CFHR5: variants seen among roughly 807,000 people sequenced by gnomAD.
The protein encoded by CFHR5 is complement factor H-related protein 5.
CFHR5 carries 73 observed loss-of-function variants against 62.9 expected under a neutral mutation model. The ratio of observed to expected loss-of-function variants is 1.16; its 90% CI spans 0.96 to 1.41. CFHR5 has a LOEUF of 1.41. CFHR5 is among the 40% of genes most tolerant of loss of function. The pLI, the probability that CFHR5 is intolerant of heterozygous loss-of-function variation, is 0.00. For missense variants in CFHR5, 779 were observed against 679.9 expected (o/e 1.15, Z -1.62); for synonymous variants, 249 against 227.2 (o/e 1.10, Z -0.86).
At chr1:196,995,600 C>T in intron 4 of CFHR5, 117 bp from the exon 5 acceptor site, 1 of 833,090 alleles carries the variant, frequency 1.2e-6, no homozygotes, top group East Asian at 2.5e-5. Context: ...ACACATGTCC[C>T]CAAAAATAGA....
intron 7 of CFHR5, among the ~76,000 whole-genome samples, chr1:197,000,533 G>T (rs1416216152): frequency 1.3e-5 from 2 of 152,152 alleles, no homozygotes; most frequent in African/African-American, 2.4e-5. Flanking sequence ...AATAGTATAT[G>T]TGTGATATTT....
Position 196,994,189 on chromosome 1 carries a change from A to G in CFHR5, c.540A>G (p.Ile180Met), listed in dbSNP as rs1244394416. The change falls in exon 4 of 10, where the codon ATA (isoleucine) becomes ATG (methionine). Residue 180 changes from isoleucine (I) to methionine (M), a missense_variant. Ile to Met is a conservative substitution (Grantham distance 10). Coordinates refer to ENST00000256785, the MANE Select transcript of CFHR5 (RefSeq NM_030787.4). ...AATTCTCCTGCAGAAAAAATCTTAT[A>G]AGAGTTGGATCAGACTCAGTTCAAT... is the stretch of plus-strand genomic sequence containing the variant. ...VLKFSCRKNL[I>M]RVGSDSVQCY... 1 of 1,613,612 alleles carries G rather than the reference A, an allele frequency of 6.2e-7. No individual in the cohort carries two copies. Among genetic ancestry groups the G allele is most frequent in the African/African-American group, 1.3e-5 (1 of 75,018 alleles).
At chr1:197,007,378 T>A (rs1654316049) in intron 9 of CFHR5, among the ~76,000 whole-genome samples, 1 of 151,968 alleles carries the variant, frequency 6.6e-6, no homozygotes, top group South Asian at 2.1e-4. Flanking sequence ...CAAAATTCAG[T>A]ATAAAAATTA....
chr1:196,984,835 T>G (rs1419173221), intron 3 of CFHR5, among the ~76,000 whole-genome samples: 2 of 152,184 alleles, frequency 1.3e-5, no homozygotes, highest in African/African-American at 4.8e-5. Context: ...TCCAGTAACT[T>G]CTGGCCACCA....
chr1:196,996,022 A>C lies in CFHR5; in HGVS notation c.791A>C (p.Glu264Ala), dbSNP rs1160581347. Residue 264 changes from glutamate (E) to alanine (A), a missense_variant and splice_region_variant, in exon 6 of 10, where the codon GAA (glutamate) becomes GCA (alanine). Glu to Ala is a moderately radical substitution (Grantham distance 107, BLOSUM62 -1). Coordinates refer to ENST00000256785, the MANE Select transcript of CFHR5 (RefSeq NM_030787.4). ...CACTCATTTTATTACATTTTCTTAG[A>C]ACAAGTGAAAACATGTGGATACATA... is the stretch of plus-strand genomic sequence containing the variant. ...GEWTTLPTCVEQVKTCGYIPE... is the reference protein window; with the variant it reads ...GEWTTLPTCVAQVKTCGYIPE... 6.2e-7 allele frequency: 1 copy of C among 1,613,630 alleles called. No individual in the cohort carries two copies. The highest frequency in any genetic ancestry group is 8.5e-7 in the Non-Finnish European group (1 of 1,179,628).
At chr1:197,007,067 C>T (rs1654308216) in intron 9 of CFHR5, among the ~76,000 whole-genome samples, 1 of 151,738 alleles carries the variant, frequency 6.6e-6, no homozygotes, top group South Asian at 2.1e-4. Flanking sequence ...GAACTCTTGA[C>T]CTCATGATCC....
At chr1:197,003,844 G>A (rs1265586283) in intron 8 of CFHR5, among the ~76,000 whole-genome samples, 1 of 152,112 alleles carries the variant, frequency 6.6e-6, no homozygotes, top group Non-Finnish European at 1.5e-5. Context: ...CATGTTTGTA[G>A]GTTGGTGAAT....
intron 4 of CFHR5, among the ~76,000 whole-genome samples, chr1:196,994,548 A>T (rs1653939112): frequency 6.6e-6 from 1 of 152,330 alleles, no homozygotes; most frequent in Non-Finnish European, 1.5e-5. Context: ...TAAAAAATTT[A>T]TACTTTTTAG....
chr1:196,993,448 C>T (rs936227860), intron 3 of CFHR5, among the ~76,000 whole-genome samples: 5 of 152,154 alleles, frequency 3.3e-5, no homozygotes, highest in Admixed American at 6.5e-5. Context: ...GCGCCCACCA[C>T]CCCATGCCTG....
chr1:197,004,644 T>A lies in CFHR5; in HGVS notation c.1331-17T>A, dbSNP rs768066368. 6.2e-7 allele frequency: 1 copy of A among 1,603,144 alleles called. No individual in the cohort carries two copies. Among genetic ancestry groups the A allele is most frequent in the Non-Finnish European group, 8.5e-7 (1 of 1,170,062 alleles). ...TAAACTAACATAATGTCTCAACAAA[T>A]AAATGCTGTTTTCCAGAGTCTACTG... On this transcript the variant is annotated splice_polypyrimidine_tract_variant and intron_variant, in intron 8 of 9. Transcript: ENST00000256785.
In CFHR5 at chr1:197,009,599, A is replaced by G. The variant is rs1654383611; in HGVS notation, c.*916A>G. On this transcript the variant is annotated 3_prime_UTR_variant, in exon 10 of 10. Transcript: ENST00000256785. ...AGCAAGTATTAATAAATATTTATAA[A>G]TCCTCTAATGTAAGTCTAGCTACCT... The G allele has an allele frequency of 6.6e-6, 1 of 152,126 alleles. No homozygotes were observed. Among genetic ancestry groups the G allele is most frequent in the African/African-American group, 2.4e-5 (1 of 41,414 alleles). 9.4% of individuals were successfully genotyped at this position (152,126 alleles called of 1,614,324 possible).
intron 2 of CFHR5, 147 bp downstream of exon 2, chr1:196,983,226 C>T: frequency 1.0e-6 from 1 of 992,704 alleles, no homozygotes; most frequent in East Asian, 2.6e-5. Flanking sequence ...ATTTTGAGAC[C>T]CCTCCTATGA....
chr1:197,000,665 T>C (rs949360688), intron 7 of CFHR5, among the ~76,000 whole-genome samples: 1 of 152,192 alleles, frequency 6.6e-6, no homozygotes, highest in Non-Finnish European at 1.5e-5. Context: ...AGGAGGCTCA[T>C]AGCAGGTAAC....
intron 3 of CFHR5, among the ~76,000 whole-genome samples, chr1:196,986,560 AC>A (rs1653687800): frequency 6.6e-6 from 1 of 151,590 alleles, no homozygotes; most frequent in Non-Finnish European, 1.5e-5. Context: ...GATGTTCCCC[AC>A]CCTGTGTCCA....
In CFHR5 at chr1:196,993,082, A is replaced by G. The variant is rs188360313; in HGVS notation, c.431-998A>G. 7.6e-4 allele frequency among the ~76,000 whole-genome samples: 115 copies of G among 152,274 alleles called. 1 individual carries two copies. The East Asian group carries it at 0.02, about 27-fold the overall frequency. On this transcript the variant is annotated intron_variant, in intron 3 of 9. Transcript: ENST00000256785. ...AACACACATATTCATATACATATCT[A>G]TTTCTAATTGAATCAGAATATATTC...
At chr1:196,995,933 A>C in intron 5 of CFHR5, 34 bp downstream of exon 5, 1 of 1,598,538 alleles carries the variant, frequency 6.3e-7, no homozygotes, top group South Asian at 1.1e-5. Flanking sequence ...CAGGACAGTT[A>C]CTATTACTTT....
upstream of CFHR5, among the ~76,000 whole-genome samples, chr1:196,975,248 A>C (rs562826178): frequency 3.9e-5 from 6 of 152,182 alleles, no homozygotes; most frequent in African/African-American, 7.2e-5. Context: ...GGAATGAAAA[A>C]ATGAATTAAA....
At chr1:196,983,523 G>T (rs1653597820) in intron 2 of CFHR5, among the ~76,000 whole-genome samples, 1 of 151,992 alleles carries the variant, frequency 6.6e-6, no homozygotes, top group Non-Finnish European at 1.5e-5. Flanking sequence ...TCAAAGTGTA[G>T]CTATATTAAT....
Position 196,998,323 on chromosome 1 carries a change from A to T in CFHR5, c.1147+19A>T. ...TGCACAGGTAAGATTTGTTTAAAAC[A>T]TTTTGTTGATCTTGTTGCTTCTTTA... On this transcript the variant is annotated intron_variant, in intron 7 of 9. Transcript: ENST00000256785. The T allele has an allele frequency of 6.3e-7, 1 of 1,592,920 alleles. No homozygotes were observed. Among genetic ancestry groups the T allele is most frequent in the Non-Finnish European group, 8.6e-7 (1 of 1,162,990 alleles).
Sources: allele counts gnomAD v4.1 joint callset (sites outside exome capture counted in the v4.1 genomes callset), GRCh38; gene constraint gnomAD v4.1.1; transcripts MANE v1.5; gene names NCBI Gene and HGNC (gene_info 2026-07-23, HGNC 2026-07-21).